The following MIS18BP1 variants were observed in gnomAD, a reference collection of about 807,000 sequenced individuals.
The protein encoded by MIS18BP1 is mis18-binding protein 1.
In MIS18BP1, 72 loss-of-function variants were observed where a neutral mutation model predicts 116.1. The observed-to-expected ratio is 0.62, with a 90% CI of 0.51 to 0.75. The LOEUF is 0.75. MIS18BP1 is among the 30% of genes least tolerant of loss of function. The probability of loss-of-function intolerance (pLI) is 0.00; values close to 1 mark genes in which losing one functional copy is unlikely to be tolerated. For missense variants in MIS18BP1, 1,363 were observed against 1,303.2 expected (o/e 1.05, Z -0.71); for synonymous variants, 386 against 427.0 (o/e 0.90, Z 1.18).
At chr14:45,248,188 C>T (rs949593486) in intron 1 of MIS18BP1, among the ~76,000 whole-genome samples, 15 of 151,326 alleles carry the variant, frequency 9.9e-5, no homozygotes, top group Admixed American at 2.0e-4. Flanking sequence ...CTCAGCCTCC[C>T]GAGTAGCTGG....
At chr14:45,246,485 G>A (rs903527693) in intron 2 of MIS18BP1, among the ~76,000 whole-genome samples, 3 of 152,132 alleles carry the variant, frequency 2.0e-5, no homozygotes, top group Non-Finnish European at 4.4e-5. Context: ...CCATCGCACT[G>A]AAAATTACAT....
chr14:45,248,519 A>G (rs949540820), intron 1 of MIS18BP1, among the ~76,000 whole-genome samples: 1 of 152,210 alleles, frequency 6.6e-6, no homozygotes, highest in African/African-American at 2.4e-5. Flanking sequence ...GATTTACAGC[A>G]TCTCTTATAG....
At chr14:45,204,274 A>G in intron 16 of MIS18BP1, 62 bp from the exon 17 acceptor site, 1 of 1,541,784 alleles carries the variant, frequency 6.5e-7, no homozygotes, top group Non-Finnish European at 8.8e-7. Context: ...ATAAAACTGA[A>G]AACAACTATA....
chr14:45,251,071 G>A (rs573968030), intron 1 of MIS18BP1, among the ~76,000 whole-genome samples: 1 of 147,958 alleles, frequency 6.8e-6, no homozygotes, highest in Non-Finnish European at 1.5e-5. Context: ...CTGGCCATAA[G>A]CATTTATAGT....
Position 45,251,057 on chromosome 14 carries a change from A to G in MIS18BP1, c.-92+1978T>C, listed in dbSNP as rs1018260756. On this transcript the variant is annotated intron_variant, in intron 1 of 16. Transcript: ENST00000310806. ...GCCTCAAAAAAAAAAAAAAAAAAAA[A>G]GGGCTGGCCATAAGCATTTATAGTA... Among the ~76,000 whole-genome samples the G allele has an allele frequency of 6.0e-5, 9 of 150,596 alleles. No individual in the cohort carries two copies. In the East Asian group the frequency reaches 1.2e-3, roughly 19 times the overall value.
At chr14:45,243,698 A>G (rs1164286079) in intron 2 of MIS18BP1, among the ~76,000 whole-genome samples, 1 of 152,146 alleles carries the variant, frequency 6.6e-6, no homozygotes, top group African/African-American at 2.4e-5. Flanking sequence ...TCACAAAAAG[A>G]AACAATAAGT....
At chr14:45,208,817 T>C (rs968579672) in intron 14 of MIS18BP1, among the ~76,000 whole-genome samples, 3 of 152,228 alleles carry the variant, frequency 2.0e-5, no homozygotes, top group African/African-American at 7.2e-5. Context: ...GCAAGCTTCC[T>C]GAGAGTACTG....
chr14:45,217,185 G>A lies in MIS18BP1; in HGVS notation c.2843-6C>T, dbSNP rs1373663484. On this transcript the variant is annotated splice_polypyrimidine_tract_variant and splice_region_variant and intron_variant, in intron 12 of 16. Transcript: ENST00000310806. ...ATCAGCATCACCTCTCTTGCCTTAA[G>A]AGTCAGCAAACCATTTTGATAAGGA... is the stretch of plus-strand genomic sequence containing the variant. The A allele has an allele frequency of 6.2e-7, 1 of 1,612,070 alleles. No individual in the cohort carries two copies. The highest frequency in any genetic ancestry group is 8.5e-7 in the Non-Finnish European group (1 of 1,179,362).
chr14:45,252,242 G>C (rs1254698506), intron 1 of MIS18BP1, among the ~76,000 whole-genome samples: 3 of 151,996 alleles, frequency 2.0e-5, no homozygotes, highest in African/African-American at 4.8e-5. Context: ...AAACAACCCA[G>C]ATGTCTACCA....
rs187815181 is a variant in MIS18BP1 at position 45,232,960 on chromosome 14, G to A, written c.1349-140C>T. On this transcript the variant is annotated intron_variant, in intron 6 of 16. Transcript: ENST00000310806. ...GTACTATTATAGATATTCAGAATTC[G>A]GCAGTAAACAAAGCAGACAAAAACT... 2.2e-4 allele frequency: 123 copies of A among 560,068 alleles called. 1 individual carries two copies. In the East Asian group the frequency reaches 3.3e-3, roughly 15 times the overall value. The allele number at this position is 560,068 out of a possible 1,614,324, so 34.7% of individuals were successfully genotyped here.
Position 45,247,389 on chromosome 14 carries a change from C to T in MIS18BP1, c.-91-12G>A, listed in dbSNP as rs902160805. 3.3e-5 allele frequency: 31 copies of T among 942,952 alleles called. No homozygotes were observed. The highest frequency in any genetic ancestry group is 1.8e-4 in the African/African-American group (11 of 60,120). 58.4% of individuals were successfully genotyped at this position (942,952 alleles called of 1,614,324 possible). On this transcript the variant is annotated splice_polypyrimidine_tract_variant and intron_variant, in intron 1 of 16. Transcript: ENST00000310806. ...GGATCCACAGAAACCTGTAGTTCAA[C>T]GTAAAATCAGCCTTTATCATGCTTT...
At chr14:45,219,068 A>AT (rs1363792174) in intron 11 of MIS18BP1, among the ~76,000 whole-genome samples, 1 of 152,184 alleles carries the variant, frequency 6.6e-6, no homozygotes. Flanking sequence ...AACCTGGTAT[A>AT]CACATTACCA....
intron 11 of MIS18BP1, among the ~76,000 whole-genome samples, chr14:45,221,456 A>G (rs553937186): frequency 1.4e-4 from 21 of 150,694 alleles, no homozygotes; most frequent in African/African-American, 5.2e-4. Context: ...TAAATAAAAT[A>G]AAATAAAATA....
chr14:45,214,766 T>C (rs1026269252), intron 13 of MIS18BP1, among the ~76,000 whole-genome samples: 30 of 152,228 alleles, frequency 2.0e-4, no homozygotes, highest in Non-Finnish European at 3.8e-4. Flanking sequence ...TTTTTATTTT[T>C]TTGAGATGGA....
chr14:45,221,674 G>T (rs148053386), intron 11 of MIS18BP1, among the ~76,000 whole-genome samples: 1 of 152,056 alleles, frequency 6.6e-6, no homozygotes, highest in Non-Finnish European at 1.5e-5. Flanking sequence ...GATCTATCTT[G>T]ATGAATGATC....
chr14:45,205,123 C>T (rs1006261331), intron 15 of MIS18BP1, among the ~76,000 whole-genome samples: 1 of 151,870 alleles, frequency 6.6e-6, no homozygotes, highest in Non-Finnish European at 1.5e-5. Context: ...ATATAGTAGC[C>T]CTTAGAGTAA....
chr14:45,224,437 C>A lies in MIS18BP1; in HGVS notation c.2150G>T (p.Arg717Leu). The change falls in exon 11 of 17, where the codon CGT becomes CTT. Residue 717 changes from arginine (R) to leucine (L), a missense_variant. Coordinates refer to ENST00000310806, the MANE Select transcript of MIS18BP1 (RefSeq NM_018353.5). ...KSKNKEDCDE[R>L]DLLTVNRKIK... ...TTTCCGGTTGACAGTAAGTAAGTCA[C>A]GTTCATCGCAATCTTCCTTGTTTTT... The A allele has an allele frequency of 1.2e-6, 2 of 1,613,928 alleles. No homozygotes were observed. The highest frequency in any genetic ancestry group is 1.7e-6 in the Non-Finnish European group (2 of 1,179,970).
intron 11 of MIS18BP1, among the ~76,000 whole-genome samples, chr14:45,220,220 C>A (rs1275431706): frequency 6.6e-6 from 1 of 152,138 alleles, no homozygotes; most frequent in Non-Finnish European, 1.5e-5. Flanking sequence ...GACTCCGCCT[C>A]CTTAGTGGTT....
chr14:45,220,545 G>C (rs939514163), intron 11 of MIS18BP1, among the ~76,000 whole-genome samples: 1 of 152,046 alleles, frequency 6.6e-6, no homozygotes, highest in Non-Finnish European at 1.5e-5. Flanking sequence ...TCATTTAAAA[G>C]TGTGTAGCAC....
Sources: gnomAD v4.1 joint callset for allele counts (sites outside exome capture counted in the v4.1 genomes callset) on GRCh38, gnomAD v4.1.1 for gene constraint, MANE v1.5 for transcripts, NCBI Gene and HGNC (gene_info 2026-07-23, HGNC 2026-07-21) for gene names.